The following ASPRV1 variants were observed in gnomAD, a reference collection of about 807,000 sequenced individuals.
ASPRV1 encodes the protein aspartic peptidase retroviral like 1, also known as retroviral-like aspartic protease 1.
ASPRV1 carries 7 observed loss-of-function variants against 11.0 expected under a neutral mutation model. That is an observed-to-expected ratio of 0.64 (90% CI 0.36 to 1.20). The LOEUF (loss-of-function observed/expected upper bound fraction) is 1.20. ASPRV1 is among the 50% of genes most tolerant of loss of function. ASPRV1 has a pLI of 0.02. For missense variants in ASPRV1, 299 were observed against 320.0 expected (o/e 0.93, Z 0.50); for synonymous variants, 136 against 138.4 (o/e 0.98, Z 0.12).
At chr2:69,982,864 C>T in the ASPRV1 span, among the ~76,000 whole-genome samples, 1 of 152,202 alleles carries the variant, frequency 6.6e-6, no homozygotes, top group Non-Finnish European at 1.5e-5. Flanking sequence ...AAAGGGCTAG[C>T]AAGGCTGGCA....
Position 69,960,627 on chromosome 2 carries a change from T to C in ASPRV1, c.*30A>G. 6.3e-7 allele frequency: 1 copy of C among 1,582,712 alleles called. No homozygotes were observed. Among genetic ancestry groups the C allele is most frequent in the Non-Finnish European group, 8.6e-7 (1 of 1,166,140 alleles). Reference sequence around the variant, plus strand: ...CCACAGCGGTGGGTCTTCCCACCAATATTTAGGAGGTTAAAGAAAAGGTGG... The same window carrying C: ...CCACAGCGGTGGGTCTTCCCACCAACATTTAGGAGGTTAAAGAAAAGGTGG... On this transcript the variant is annotated 3_prime_UTR_variant, in exon 1 of 1. Coordinates refer to ENST00000320256, the MANE Select transcript of ASPRV1 (RefSeq NM_152792.4).
chr2:69,984,358 C>T, the ASPRV1 span, among the ~76,000 whole-genome samples: 6 of 152,270 alleles, frequency 3.9e-5, no homozygotes, highest in Middle Eastern at 3.4e-3. Context: ...TAAATAAATG[C>T]TCTTTTTGGC....
At chr2:69,995,017 A>AATT in the ASPRV1 span, among the ~76,000 whole-genome samples, 1 of 151,202 alleles carries the variant, frequency 6.6e-6, no homozygotes, top group African/African-American at 2.4e-5. Flanking sequence ...ATAAATAAAT[A>AATT]AATTAATTAA....
chr2:69,964,514 A>G (rs567320242), upstream of ASPRV1: 6 of 295,572 alleles, frequency 2.0e-5, no homozygotes, highest in South Asian at 1.7e-4. Flanking sequence ...CTGGAAGCAC[A>G]CAGAGACCTT....
the ASPRV1 span, among the ~76,000 whole-genome samples, chr2:69,991,239 G>C: frequency 7.9e-5 from 12 of 152,090 alleles, no homozygotes; most frequent in African/African-American, 2.9e-4. Flanking sequence ...ATGGAGAAAG[G>C]CTGCGGCCCT....
chr2:69,940,234 ATT>A, the ASPRV1 span: 1 of 149,574 alleles, frequency 6.7e-6, no homozygotes, highest in African/African-American at 2.5e-5. Context: ...TGCCTTTTGC[ATT>A]TTTAAAGCCT....
chr2:69,973,113 T>C, the ASPRV1 span, among the ~76,000 whole-genome samples: 1 of 152,162 alleles, frequency 6.6e-6, no homozygotes, highest in Non-Finnish European at 1.5e-5. Flanking sequence ...CATACATACA[T>C]TTATGATAAA....
At chr2:70,059,171 G>T in the ASPRV1 span, among the ~76,000 whole-genome samples, 1 of 151,058 alleles carries the variant, frequency 6.6e-6, no homozygotes, top group Non-Finnish European at 1.5e-5. Context: ...GATTACAGGC[G>T]TGAGCCACCG....
the ASPRV1 span, among the ~76,000 whole-genome samples, chr2:69,950,994 G>C: frequency 6.6e-6 from 1 of 151,804 alleles, no homozygotes; most frequent in Non-Finnish European, 1.5e-5. Flanking sequence ...GAAAAGGCAA[G>C]AACGAGAGAG....
the ASPRV1 span, among the ~76,000 whole-genome samples, chr2:70,081,949 A>T: frequency 1.6e-4 from 24 of 148,552 alleles, no homozygotes; most frequent in Middle Eastern, 3.4e-3. Context: ...GAAACCACTT[A>T]AAAAAAAAAG....
At chr2:69,958,675 T>C (rs1478563517), downstream of ASPRV1, among the ~76,000 whole-genome samples, 6 of 152,040 alleles carry the variant, frequency 3.9e-5, no homozygotes, top group Non-Finnish European at 8.8e-5. Flanking sequence ...ACCTGGATTG[T>C]TCCCTCGGGA....
At chr2:69,965,937 G>C (rs1031857533), upstream of ASPRV1, among the ~76,000 whole-genome samples, 5 of 152,204 alleles carry the variant, frequency 3.3e-5, no homozygotes, top group African/African-American at 9.7e-5. Flanking sequence ...TCCAGAACCT[G>C]TTCTTCCCAT....
chr2:69,997,354 C>T, the ASPRV1 span, among the ~76,000 whole-genome samples: 3 of 152,150 alleles, frequency 2.0e-5, no homozygotes, highest in South Asian at 4.1e-4. Context: ...GCCTAGAGAT[C>T]TAAATACTGA....
the ASPRV1 span, among the ~76,000 whole-genome samples, chr2:69,975,079 G>C: frequency 6.6e-6 from 1 of 152,242 alleles, no homozygotes; most frequent in Non-Finnish European, 1.5e-5. Flanking sequence ...TCCAGGCTAA[G>C]GTTGGATTCT....
chr2:69,987,582 CA>C, the ASPRV1 span, among the ~76,000 whole-genome samples: 2,609 of 48,350 alleles, frequency 0.054, 72 homozygotes, highest in African/African-American at 0.15. Context: ...CTCATCTCTA[CA>C]AAAAAAAAAA....
chr2:70,045,325 T>C, the ASPRV1 span: 1 of 152,230 alleles, frequency 6.6e-6, no homozygotes, highest in Non-Finnish European at 1.5e-5. Flanking sequence ...GACTTTCAGC[T>C]TGCCCATGTG....
chr2:70,020,965 A>G, the ASPRV1 span, among the ~76,000 whole-genome samples: 1 of 152,190 alleles, frequency 6.6e-6, no homozygotes, highest in Non-Finnish European at 1.5e-5. Flanking sequence ...TGTACTCAAT[A>G]CTACTGAACA....
chr2:69,969,141 G>C, the ASPRV1 span, among the ~76,000 whole-genome samples: 1 of 152,132 alleles, frequency 6.6e-6, no homozygotes, highest in Admixed American at 6.5e-5. Flanking sequence ...CCCCACTGTG[G>C]GGCAGGTGGA....
the ASPRV1 span, among the ~76,000 whole-genome samples, chr2:69,952,911 A>C: frequency 6.6e-6 from 1 of 152,182 alleles, no homozygotes; most frequent in Non-Finnish European, 1.5e-5. Flanking sequence ...CTTTGGAATC[A>C]GTTCCCCTTT....
Sources: allele counts gnomAD v4.1 joint callset (sites outside exome capture counted in the v4.1 genomes callset), GRCh38; gene constraint gnomAD v4.1.1; transcripts MANE v1.5; gene names NCBI Gene and HGNC (gene_info 2026-07-23, HGNC 2026-07-21).